Variants in CNTN4 observed in about 807,000 individuals in gnomAD.
The protein encoded by CNTN4 is contactin-4.
CNTN4 carries 77 observed loss-of-function variants against 122.5 expected under a neutral mutation model. The observed-to-expected ratio is 0.63, with a 90% CI of 0.52 to 0.76. The LOEUF (loss-of-function observed/expected upper bound fraction) is 0.76. CNTN4 is among the 30% of genes least tolerant of loss of function. The probability of loss-of-function intolerance (pLI) is 0.00; values close to 1 mark genes in which losing one functional copy is unlikely to be tolerated. For missense variants in CNTN4, 1,256 were observed against 1,259.1 expected (o/e 1.00, Z 0.04); for synonymous variants, 512 against 447.0 (o/e 1.15, Z -1.83).
chr3:2,999,993 GTAT>G (rs1695882366), intron 14 of CNTN4, among the ~76,000 whole-genome samples: 1 of 152,138 alleles, frequency 6.6e-6, no homozygotes, highest in Non-Finnish European at 1.5e-5. Context: ...ATCAGAAGTA[GTAT>G]TCAAAATTAG....
At chr3:2,729,307 G>C (rs1420676892) in intron 4 of CNTN4, among the ~76,000 whole-genome samples, 1 of 152,078 alleles carries the variant, frequency 6.6e-6, no homozygotes, top group African/African-American at 2.4e-5. Context: ...GCTCACGCCT[G>C]TAATCCTAGC....
chr3:2,613,580 G>A (rs1325493932), intron 4 of CNTN4, among the ~76,000 whole-genome samples: 1 of 152,096 alleles, frequency 6.6e-6, no homozygotes, highest in Non-Finnish European at 1.5e-5. Context: ...ATAAGACCAT[G>A]TATATTGTAC....
At chr3:2,481,063 C>CTTTCTTTCTTTCTTTCTTTCTTTCTG (rs1575730827) in intron 3 of CNTN4, among the ~76,000 whole-genome samples, 1 of 38,900 alleles carries the variant, frequency 2.6e-5, no homozygotes. Flanking sequence ...CTTTCTTTCT[C>CTTTCTTTCTTTCTTTCTTTCTTTCTG]TCTTTCTCTC....
intron 4 of CNTN4, among the ~76,000 whole-genome samples, chr3:2,623,525 A>G (rs1162918511): frequency 6.6e-6 from 1 of 152,202 alleles, no homozygotes; most frequent in East Asian, 1.9e-4. Flanking sequence ...GGATAGGTAA[A>G]CATAAATCAG....
rs548801943 is a variant in CNTN4, at chr3:2,102,861, A to G, written c.-145+2222A>G. On this transcript the variant is annotated intron_variant, in intron 2 of 24. Transcript: ENST00000418658. The stretch of plus-strand genomic sequence containing the variant: ...TAGCATTCTCTGATGTTTTATTACT[A>G]TATGTGATATTTCTTCCATGTTCAA... Among the ~76,000 whole-genome samples, 16 of 152,006 alleles carry G rather than the reference A, an allele frequency of 1.1e-4. No individual in the cohort carries two copies. In the South Asian group the frequency reaches 3.1e-3, roughly 30 times the overall value.
chr3:2,834,992 C>T (rs948812113), intron 7 of CNTN4, among the ~76,000 whole-genome samples: 3 of 147,240 alleles, frequency 2.0e-5, no homozygotes, highest in African/African-American at 7.6e-5. Context: ...GCCAGCTCCG[C>T]CTCCCGGGTT....
At position 2,715,739 on chromosome 3, in the gene CNTN4, G is replaced by A. The variant is rs79302318; in HGVS notation, c.56-20476G>A. ...ACTTGCAGACAGATGCCTTTTTGCC[G>A]TGTCCTCACATGGCTGAGACAGTGC... is the stretch of plus-strand genomic sequence containing the variant. On this transcript the variant is annotated intron_variant, in intron 4 of 24. Coordinates refer to ENST00000418658, the MANE Select transcript of CNTN4 (RefSeq NM_175607.3). Among the ~76,000 whole-genome samples, 585 of 152,246 alleles carry A rather than the reference G, an allele frequency of 3.8e-3. 4 individuals carry two copies. Among genetic ancestry groups the A allele is most frequent in the East Asian group, 0.012 (63 of 5,174 alleles).
At chr3:2,675,638 A>G (rs1013979730) in intron 4 of CNTN4, among the ~76,000 whole-genome samples, 1 of 152,238 alleles carries the variant, frequency 6.6e-6, no homozygotes. Context: ...TCTGGCACAT[A>G]GTACATGCTT....
intron 6 of CNTN4, among the ~76,000 whole-genome samples, chr3:2,773,122 T>C (rs1364223037): frequency 6.8e-6 from 1 of 146,738 alleles, no homozygotes; most frequent in Non-Finnish European, 1.5e-5. Context: ...TAGTTAATCT[T>C]TTGGTGGGGG....
intron 12 of CNTN4, among the ~76,000 whole-genome samples, chr3:2,917,338 G>GGGAGACGGAGAC (rs2094378987): frequency 2.3e-5 from 3 of 129,124 alleles, no homozygotes; most frequent in African/African-American, 9.6e-5. Context: ...AAGCGGAATA[G>GGGAGACGGAGAC]GGAGAGGAAG....
chr3:2,817,759 A>G (rs4685566), intron 6 of CNTN4, among the ~76,000 whole-genome samples: 1 of 152,082 alleles, frequency 6.6e-6, no homozygotes, highest in Non-Finnish European at 1.5e-5. Context: ...AATGTAGATG[A>G]CTTACTCTAA....
chr3:2,949,556 C>T (rs1312437987), intron 13 of CNTN4, among the ~76,000 whole-genome samples: 1 of 152,112 alleles, frequency 6.6e-6, no homozygotes, highest in Non-Finnish European at 1.5e-5. Context: ...CAATCAGACC[C>T]TCTCCTTCTT....
chr3:2,160,615 C>G (rs867271517), intron 2 of CNTN4, among the ~76,000 whole-genome samples: 1 of 152,146 alleles, frequency 6.6e-6, no homozygotes, highest in Admixed American at 6.5e-5. Context: ...TGCTGCATCT[C>G]TCATAATCAT....
chr3:2,102,911 C>G (rs370541646), intron 2 of CNTN4, among the ~76,000 whole-genome samples: 17 of 150,824 alleles, frequency 1.1e-4, no homozygotes, highest in African/African-American at 3.7e-4. Context: ...TTTTCTTCTC[C>G]TAACCCTTGC....
intron 14 of CNTN4, among the ~76,000 whole-genome samples, chr3:2,998,613 C>T (rs139836178): frequency 7.9e-5 from 12 of 151,892 alleles, no homozygotes; most frequent in Admixed American, 6.6e-5. Context: ...GACAATTGAA[C>T]AGGGAATTGA....
chr3:2,717,111 A>C (rs1026559011), intron 4 of CNTN4, among the ~76,000 whole-genome samples: 1 of 151,966 alleles, frequency 6.6e-6, no homozygotes, highest in Non-Finnish European at 1.5e-5. Flanking sequence ...TGTGTTTTCA[A>C]TTCTCTTGGG....
chr3:2,146,373 A>G (rs1210972134), intron 2 of CNTN4, among the ~76,000 whole-genome samples: 1 of 151,878 alleles, frequency 6.6e-6, no homozygotes. Flanking sequence ...GTAGATAGAT[A>G]TTACTATCTA....
chr3:2,487,123 C>G (rs896697298), intron 3 of CNTN4, among the ~76,000 whole-genome samples: 2 of 152,070 alleles, frequency 1.3e-5, no homozygotes, highest in African/African-American at 4.8e-5. Context: ...AAGAACACTG[C>G]TAAACATAAT....
intron 8 of CNTN4, among the ~76,000 whole-genome samples, chr3:2,876,969 C>G (rs577916096): frequency 6.6e-6 from 1 of 152,312 alleles, no homozygotes; most frequent in African/African-American, 2.4e-5. Context: ...TCACCTTGGA[C>G]TTCTTAAAAT....
Sources: gnomAD v4.1 joint callset for allele counts (sites outside exome capture counted in the v4.1 genomes callset) on GRCh38, gnomAD v4.1.1 for gene constraint, MANE v1.5 for transcripts, NCBI Gene and HGNC (gene_info 2026-07-23, HGNC 2026-07-21) for gene names.